Variants in MBP observed in about 807,000 individuals in gnomAD.
MBP encodes myelin basic protein.
Under a neutral mutation model 35.8 loss-of-function variants are expected in MBP, and 16 were observed. The ratio of observed to expected loss-of-function variants is 0.45; its 90% CI spans 0.30 to 0.68. The LOEUF (loss-of-function observed/expected upper bound fraction) is 0.68, where lower values mean the gene tolerates loss of function less well. Ranked by LOEUF, MBP falls within the 30% of genes least tolerant of loss-of-function variation. MBP has a pLI of 0.08. For missense variants in MBP, 380 were observed against 404.7 expected (o/e 0.94, Z 0.52); for synonymous variants, 143 against 159.6 (o/e 0.90, Z 0.78).
chr18:76,984,564 A>T, intron 8 of MBP: 1 of 624,762 alleles, frequency 1.6e-6, no homozygotes, highest in Non-Finnish European at 2.7e-6. Flanking sequence ...TTCCTCAAGC[A>T]CCTCCGGCTT....
intron 1 of MBP, chr18:77,113,114 A>G (rs1232284500): frequency 1.3e-5 from 2 of 151,932 alleles, no homozygotes; most frequent in African/African-American, 4.8e-5. Flanking sequence ...AATTTTTTGT[A>G]TTTTTAGTAG....
At chr18:77,082,532 G>T (rs1351296714) in intron 2 of MBP, among the ~76,000 whole-genome samples, 1 of 152,206 alleles carries the variant, frequency 6.6e-6, no homozygotes, top group Non-Finnish European at 1.5e-5. Context: ...ATTAAAATCA[G>T]ATTGTGGTGA....
intron 8 of MBP, chr18:76,982,078 G>A (rs1022433473): frequency 3.3e-5 from 5 of 152,182 alleles, no homozygotes; most frequent in African/African-American, 1.2e-4. Context: ...ACTACAATTT[G>A]TTGAGCACTG....
intron 3 of MBP, among the ~76,000 whole-genome samples, chr18:77,058,236 G>T (rs1451763850): frequency 1.3e-5 from 2 of 152,074 alleles, no homozygotes; most frequent in East Asian, 3.9e-4. Flanking sequence ...GGGGCGGTGG[G>T]GATGCGGGGA....
intron 8 of MBP, chr18:76,981,439 C>G (rs470279): frequency 1.3e-5 from 2 of 152,114 alleles, no homozygotes; most frequent in African/African-American, 2.4e-5. Context: ...ATAACCAGAG[C>G]GCAGACGCCA....
intron 3 of MBP, among the ~76,000 whole-genome samples, chr18:77,056,750 T>C (rs1194912317): frequency 6.6e-6 from 1 of 152,166 alleles, no homozygotes; most frequent in Non-Finnish European, 1.5e-5. Context: ...GGGGTAACTT[T>C]TCTTTGACAC....
chr18:77,098,168 C>T (rs867835709), intron 2 of MBP, among the ~76,000 whole-genome samples: 11 of 108,512 alleles, frequency 1.0e-4, no homozygotes, highest in East Asian at 3.2e-4. Context: ...CAAGGACTTC[C>T]TTTTTTTTTT....
chr18:77,028,958 C>CACTTT (rs200167705), intron 3 of MBP, among the ~76,000 whole-genome samples: 9 of 80,408 alleles, frequency 1.1e-4, no homozygotes, highest in East Asian at 5.0e-4. Context: ...GGGGCTCCAT[C>CACTTT]CCAGACAATG....
At chr18:77,124,659 G>A (rs1012469546) in intron 1 of MBP, among the ~76,000 whole-genome samples, 4 of 152,192 alleles carry the variant, frequency 2.6e-5, no homozygotes, top group Non-Finnish European at 5.9e-5. Context: ...CCACCCACAG[G>A]AGATAGGAGA....
rs1977183416 is a variant in MBP at position 77,129,923 on chromosome 18, C to G, written c.-26+2657G>C. Among the ~76,000 whole-genome samples, 3 of 151,746 alleles carry G rather than the reference C, an allele frequency of 2.0e-5. No individual in the cohort carries two copies. The South Asian group carries it at 6.3e-4, about 32-fold the overall frequency. On this transcript the variant is annotated intron_variant, in intron 1 of 8. Transcript: ENST00000355994. ...AATCAGCCAGGTGTGGTGGTGCGCC[C>G]CTATAGTCCCAGCTACTGGGGAGGC...
chr18:77,130,216 A>C (rs1223048282), intron 1 of MBP, among the ~76,000 whole-genome samples: 1 of 152,026 alleles, frequency 6.6e-6, no homozygotes, highest in African/African-American at 2.4e-5. Context: ...GGGTACACTC[A>C]CTCATCATTG....
At chr18:76,984,454 A>G (rs1969416759) in intron 8 of MBP, 1 of 316,650 alleles carries the variant, frequency 3.2e-6, no homozygotes, top group South Asian at 3.4e-5. Flanking sequence ...TGAGGGCCCC[A>G]ACCCCTGGGC....
chr18:77,021,849 T>C (rs546377707), intron 3 of MBP, among the ~76,000 whole-genome samples: 1 of 152,258 alleles, frequency 6.6e-6, no homozygotes, highest in East Asian at 1.9e-4. Context: ...CTCAGTGTAT[T>C]TCCCGGGGTC....
At chr18:77,081,182 C>G (rs112146606) in intron 2 of MBP, among the ~76,000 whole-genome samples, 1 of 151,990 alleles carries the variant, frequency 6.6e-6, no homozygotes, top group Non-Finnish European at 1.5e-5. Context: ...AGAGATGACA[C>G]GGAAGCATGA....
intron 3 of MBP, among the ~76,000 whole-genome samples, chr18:77,042,800 A>G (rs1973072926): frequency 6.6e-6 from 1 of 152,256 alleles, no homozygotes; most frequent in African/African-American, 2.4e-5. Context: ...GCCCGGTACC[A>G]GCTCGTGTTA....
rs140199649 is a variant in MBP at position 77,125,290 on chromosome 18, T to C, written c.-26+7290A>G. On this transcript the variant is annotated intron_variant, in intron 1 of 8. Transcript: ENST00000355994. Reference sequence around the variant, plus strand: ...GTGTCATTTCCCCCCAAACTTTACATTGGTTTATTTATTGCTAATATAAAT... The same window carrying C: ...GTGTCATTTCCCCCCAAACTTTACACTGGTTTATTTATTGCTAATATAAAT... Among the ~76,000 whole-genome samples, 315 of 152,314 alleles carry C rather than the reference T, an allele frequency of 2.1e-3. 6 individuals are homozygous for C. In the East Asian group the frequency reaches 0.052, roughly 25 times the overall value.
intron 3 of MBP, among the ~76,000 whole-genome samples, chr18:77,024,263 T>C (rs192350268): frequency 1.2e-4 from 18 of 152,302 alleles, no homozygotes; most frequent in Non-Finnish European, 2.4e-4. Flanking sequence ...CTTTTTTCTT[T>C]AGCTCATCAA....
chr18:76,979,668 A>G lies in MBP; in HGVS notation c.*759T>C, dbSNP rs1599443659. On this transcript the variant is annotated 3_prime_UTR_variant, in exon 9 of 9. Coordinates refer to ENST00000355994, the MANE Select transcript of MBP (RefSeq NM_001025101.2). ...GACGTCCAGAGGCCACCTGCTTGAC[A>G]TCTCCATCACCAAATCTCCAGGAAG... is the stretch of plus-strand genomic sequence containing the variant. 2 of 455,470 alleles carry G rather than the reference A, an allele frequency of 4.4e-6. No homozygotes were observed. Among genetic ancestry groups the G allele is most frequent in the East Asian group, 8.3e-5 (2 of 24,190 alleles). 28.2% of individuals were successfully genotyped at this position (455,470 alleles called of 1,614,324 possible). A position where few individuals can be genotyped will look rare whatever the true frequency, so the allele number is the denominator to read the frequency against.
intron 3 of MBP, among the ~76,000 whole-genome samples, chr18:77,057,219 T>A (rs9676181): frequency 0.6 from 91,816 of 152,056 alleles, 27,951 homozygotes; most frequent in African/African-American, 0.67. Flanking sequence ...GCCCTGCCCC[T>A]CAAGGAACCA....
Sources: allele counts gnomAD v4.1 joint callset (sites outside exome capture counted in the v4.1 genomes callset), GRCh38; gene constraint gnomAD v4.1.1; transcripts MANE v1.5; gene names NCBI Gene and HGNC (gene_info 2026-07-23, HGNC 2026-07-21).